Variants in PCDHGA10 observed in about 807,000 individuals in gnomAD.
The protein encoded by PCDHGA10 is protocadherin gamma-A10.
A neutral mutation model predicts 59.5 loss-of-function variants in PCDHGA10; 42 were observed. The observed-to-expected ratio is 0.71, with a 90% CI of 0.55 to 0.91. The LOEUF is 0.91. PCDHGA10 is among the 40% of genes least tolerant of loss of function. PCDHGA10 has a pLI of 0.00. For synonymous variants in PCDHGA10, 511 were observed against 517.2 expected, an observed-to-expected ratio of 0.99 and a Z score of 0.16; for missense variants, 1,111 against 1,198.2, an observed-to-expected ratio of 0.93 and a Z score of 1.07.
chr5:141,496,287 C>T (rs768553690), intron 2 of PCDHGA10, among the ~76,000 whole-genome samples: 3 of 152,200 alleles, frequency 2.0e-5, no homozygotes, highest in Non-Finnish European at 4.4e-5. Flanking sequence ...TTGGTCTGAG[C>T]AGAGTGGGAT....
intron 3 of PCDHGA10, among the ~76,000 whole-genome samples, chr5:141,510,624 A>C (rs2099881973): frequency 6.6e-6 from 1 of 152,164 alleles, no homozygotes; most frequent in African/African-American, 2.4e-5. Flanking sequence ...TAAAACCAGA[A>C]GAGGTGGTTA....
chr5:141,430,996 G>T, intron 1 of PCDHGA10: 1 of 1,614,024 alleles, frequency 6.2e-7, no homozygotes, highest in Middle Eastern at 1.6e-4. Flanking sequence ...CCCTGAATCC[G>T]CGCAGCGGCA....
intron 2 of PCDHGA10, among the ~76,000 whole-genome samples, chr5:141,501,868 C>G (rs1016056445): frequency 1.3e-5 from 2 of 152,120 alleles, no homozygotes; most frequent in African/African-American, 2.4e-5. Flanking sequence ...TCCCAGGACG[C>G]CTCCTTACAC....
intron 1 of PCDHGA10, chr5:141,424,126 G>C: frequency 9.3e-6 from 5 of 538,222 alleles, no homozygotes; most frequent in Non-Finnish European, 1.2e-5. Flanking sequence ...TGATCCTGTT[G>C]ATTTAATAGC....
chr5:141,477,571 C>A lies in PCDHGA10; in HGVS notation c.2437-17236C>A, dbSNP rs1470454976. ...TAAACCTAAGTGTCTGGGACCCCGA[C>A]GCCCCGCAGAATGCTCGGCTTTCTT... is the stretch of plus-strand genomic sequence containing the variant. On this transcript the variant is annotated intron_variant, in intron 1 of 3. Coordinates refer to ENST00000398610, the MANE Select transcript of PCDHGA10 (RefSeq NM_018913.3). The surrounding 1 kb of genome is among the most constrained non-coding windows in gnomAD (Gnocchi z 4.9). The A allele has an allele frequency of 3.1e-6, 5 of 1,614,042 alleles. No homozygotes were observed. In the South Asian group the frequency reaches 4.4e-5, roughly 14 times the overall value.
chr5:141,479,342 G>A (rs926832955), intron 1 of PCDHGA10: 1 of 152,486 alleles, frequency 6.6e-6, no homozygotes, highest in Admixed American at 6.5e-5. Flanking sequence ...TGCACCTGTA[G>A]TTCTTGCTGC....
chr5:141,421,864 C>T (rs1561797174), intron 1 of PCDHGA10: 2 of 1,613,766 alleles, frequency 1.2e-6, no homozygotes, highest in Non-Finnish European at 1.7e-6. Context: ...CCTGCTCCTC[C>T]TCACAGCTTT....
chr5:141,454,693 A>G (rs951819293), intron 1 of PCDHGA10, among the ~76,000 whole-genome samples: 1 of 151,738 alleles, frequency 6.6e-6, no homozygotes, highest in Non-Finnish European at 1.5e-5. Context: ...GGCATGAGCC[A>G]CCATGCTCCA....
intron 1 of PCDHGA10, chr5:141,417,879 A>G (rs2096177010): frequency 7.1e-6 from 11 of 1,559,306 alleles, no homozygotes; most frequent in South Asian, 2.3e-5. Flanking sequence ...AGCTGCGCGC[A>G]GAGGCGCCGG....
intron 1 of PCDHGA10, chr5:141,479,355 A>G (rs2099493778): frequency 6.6e-6 from 1 of 152,506 alleles, no homozygotes; most frequent in Non-Finnish European, 1.5e-5. Flanking sequence ...CTTGCTGCTC[A>G]GTGCCTGAGG....
In PCDHGA10 at chr5:141,494,748, C is replaced by T. The variant is rs566281527; in HGVS notation, c.2437-59C>T. On this transcript the variant is annotated intron_variant, in intron 1 of 3. Coordinates refer to ENST00000398610, the MANE Select transcript of PCDHGA10 (RefSeq NM_018913.3). ...CTCTCCCGGCCCATCCCTAGGGGCTCGGGTGACATTCTAACTTCTCACGGG... is the reference window on the plus strand; with the variant it reads ...CTCTCCCGGCCCATCCCTAGGGGCTTGGGTGACATTCTAACTTCTCACGGG... 1.4e-5 allele frequency: 22 copies of T among 1,613,104 alleles called. No individual in the cohort carries two copies. The East Asian group carries it at 4.2e-4, about 31-fold the overall frequency.
At chr5:141,435,010 G>A (rs2097736933) in intron 1 of PCDHGA10, among the ~76,000 whole-genome samples, 1 of 151,950 alleles carries the variant, frequency 6.6e-6, no homozygotes, top group Non-Finnish European at 1.5e-5. Flanking sequence ...ATTTATCAAT[G>A]ATAATGCTCT....
intron 2 of PCDHGA10, among the ~76,000 whole-genome samples, chr5:141,502,956 G>A (rs986743949): frequency 1.3e-5 from 2 of 148,846 alleles, no homozygotes; most frequent in African/African-American, 5.0e-5. Context: ...CGATTCTCCT[G>A]CCTCAGCCTC....
chr5:141,415,156 A>T lies in PCDHGA10; in HGVS notation c.1981A>T (p.Thr661Ser). 1 of 1,613,798 alleles carries T rather than the reference A, an allele frequency of 6.2e-7. No individual in the cohort carries two copies. Residue 661 changes from threonine (T) to serine (S), a missense_variant, in exon 1 of 4, where the codon ACT (threonine) becomes TCT (serine). Transcript: ENST00000398610. ...CCACGGCCAGCCCCCTCTCTCCGCC[A>T]CTGTCACGCTCACCGTGGCCGTGGC... Reference protein sequence around the residue: ...QDHGQPPLSATVTLTVAVADS... With the variant: ...QDHGQPPLSASVTLTVAVADS...
intron 1 of PCDHGA10, among the ~76,000 whole-genome samples, chr5:141,459,035 A>T (rs1404092581): frequency 6.6e-6 from 1 of 152,218 alleles, no homozygotes; most frequent in Non-Finnish European, 1.5e-5. Context: ...ATCCAGCCTT[A>T]CCAGCTATAT....
Position 141,491,279 on chromosome 5 carries a change from T to G in PCDHGA10, c.2437-3528T>G. 1 of 1,614,110 alleles carries G rather than the reference T, an allele frequency of 6.2e-7. No individual in the cohort carries two copies. The highest frequency in any genetic ancestry group is 2.2e-5 in the East Asian group (1 of 44,878). ...GAGGAAATGCCCAAATCCAGTGACT[T>G]CCTCATACACCCTCCTGAGCGTTCA... On this transcript the variant is annotated intron_variant, in intron 1 of 3. Transcript: ENST00000398610. The surrounding 1 kb of genome is among the most constrained non-coding windows in gnomAD (Gnocchi z 6.9).
chr5:141,477,315 C>G lies in PCDHGA10; in HGVS notation c.2437-17492C>G. 2 of 1,614,188 alleles carry G rather than the reference C, an allele frequency of 1.2e-6. No individual in the cohort carries two copies. Among genetic ancestry groups the G allele is most frequent in the African/African-American group, 2.7e-5 (2 of 75,042 alleles). On this transcript the variant is annotated intron_variant, in intron 1 of 3. Coordinates refer to ENST00000398610, the MANE Select transcript of PCDHGA10 (RefSeq NM_018913.3). The surrounding 1 kb of genome is among the most constrained non-coding windows in gnomAD (Gnocchi z 4.9). ...CCACCGGGTCTCCCTTTCAGCCTTA[C>G]TTCTTCCCTCAAGAATTACTTCACT...
At chr5:141,446,798 T>C (rs1223789118) in intron 1 of PCDHGA10, among the ~76,000 whole-genome samples, 1 of 152,160 alleles carries the variant, frequency 6.6e-6, no homozygotes, top group Non-Finnish European at 1.5e-5. Flanking sequence ...AGTTCTTCCA[T>C]TGTGATCATC....
At chr5:141,447,768 T>C (rs1392134454) in intron 1 of PCDHGA10, among the ~76,000 whole-genome samples, 1 of 152,212 alleles carries the variant, frequency 6.6e-6, no homozygotes, top group East Asian at 1.9e-4. Context: ...ATATAAATTA[T>C]ACTTTAATTG....
Sources: gnomAD v4.1 joint callset for allele counts (sites outside exome capture counted in the v4.1 genomes callset) on GRCh38, gnomAD v4.1.1 for gene constraint, Gnocchi (gnomAD v3.1) non-coding constraint, MANE v1.5 for transcripts, NCBI Gene and HGNC (gene_info 2026-07-23, HGNC 2026-07-21) for gene names.